The following MDM4 variants were observed in gnomAD, a reference collection of about 807,000 sequenced individuals.
The protein encoded by MDM4 is MDM4 regulator of p53.
MDM4 carries 2 observed loss-of-function variants against 60.2 expected under a neutral mutation model. That is an observed-to-expected ratio of 0.03 (90% CI 0.01 to 0.10). The LOEUF is 0.10. Among genes scored for constraint, MDM4 ranks in the 10% least tolerant of loss-of-function variants. The pLI, the probability that MDM4 is intolerant of heterozygous loss-of-function variation, is 1.00. For synonymous variants in MDM4, 202 were observed against 198.1 expected (o/e 1.02, Z -0.17); for missense variants, 447 against 577.5 (o/e 0.77, Z 2.32).
chr1:204,556,440 G>T lies in MDM4; in HGVS notation c.*6758G>T, dbSNP rs10900598. ...AGGCCAGGCGCGGTGGTTCACTCCT[G>T]TTATTCCAGCACTGGGGTGGCCAAA... On this transcript the variant is annotated 3_prime_UTR_variant, in exon 11 of 11. Coordinates refer to ENST00000367182, the MANE Select transcript of MDM4 (RefSeq NM_002393.5). The T allele has an allele frequency of 0.4, 89,506 of 225,642 alleles. 20,273 individuals are homozygous for T. Among genetic ancestry groups the T allele is most frequent in the Non-Finnish European group, 0.48 (54,374 of 113,356 alleles). The allele number at this position is 225,642 out of a possible 1,614,324, so 14.0% of individuals were successfully genotyped here.
At chr1:204,539,005 G>T (rs1297847196) in intron 7 of MDM4, among the ~76,000 whole-genome samples, 2 of 152,076 alleles carry the variant, frequency 1.3e-5, no homozygotes, top group African/African-American at 4.8e-5. Flanking sequence ...GAGTAGCTGG[G>T]ATTACAGGCG....
rs944915392 is a variant in MDM4 at position 204,554,104 on chromosome 1, T to G, written c.*4422T>G. ...AGGGTCAAGGTCATTTGTAACATTTTGTGTGTGTCAATTCAATGCAATGTT... is the reference window on the plus strand; with the variant it reads ...AGGGTCAAGGTCATTTGTAACATTTGGTGTGTGTCAATTCAATGCAATGTT... On this transcript the variant is annotated 3_prime_UTR_variant, in exon 11 of 11. Transcript: ENST00000367182. 1.7e-5 allele frequency: 4 copies of G among 229,444 alleles called. No individual in the cohort carries two copies. In the Admixed American group the frequency reaches 2.3e-4, roughly 13 times the overall value. 14.2% of individuals were successfully genotyped at this position (229,444 alleles called of 1,614,324 possible). A position where few individuals can be genotyped will look rare whatever the true frequency, so the allele number is the denominator to read the frequency against.
chr1:204,519,958 A>C (rs1659393843), intron 1 of MDM4, among the ~76,000 whole-genome samples: 1 of 152,042 alleles, frequency 6.6e-6, no homozygotes, highest in African/African-American at 2.4e-5. Context: ...GAAAAATATA[A>C]ACGAAAAACT....
chr1:204,542,255 T>G (rs1210415030), intron 7 of MDM4, among the ~76,000 whole-genome samples: 2 of 152,214 alleles, frequency 1.3e-5, no homozygotes, highest in Non-Finnish European at 2.9e-5. Context: ...CCAGAATATG[T>G]GGTACCAGTG....
intron 9 of MDM4, among the ~76,000 whole-genome samples, chr1:204,545,839 A>G (rs1199472602): frequency 6.6e-6 from 1 of 152,136 alleles, no homozygotes; most frequent in Non-Finnish European, 1.5e-5. Context: ...GGAAACGTCT[A>G]TAGAGAGAGA....
Position 204,556,551 on chromosome 1 carries a change from A to AT in MDM4, c.*6869_*6870insT, listed in dbSNP as rs1219498620. 3 of 205,938 alleles carry AT rather than the reference A, an allele frequency of 1.5e-5. No individual in the cohort carries two copies. The highest frequency in any genetic ancestry group is 2.3e-5 in the African/African-American group (1 of 43,778). 12.8% of individuals were successfully genotyped at this position (205,938 alleles called of 1,614,324 possible). On this transcript the variant is annotated 3_prime_UTR_variant, in exon 11 of 11. Coordinates refer to ENST00000367182, the MANE Select transcript of MDM4 (RefSeq NM_002393.5). ...GTCTCTACCAAAAATACAAAAAAAA[A>AT]GCTGGGCATGGTGGGTGCATGCTTG...
chr1:204,545,794 T>A (rs1172186260), intron 9 of MDM4, among the ~76,000 whole-genome samples: 1 of 152,142 alleles, frequency 6.6e-6, no homozygotes, highest in African/African-American at 2.4e-5. Flanking sequence ...CCCAAGTAGC[T>A]GGGGTCACAG....
intron 5 of MDM4, chr1:204,532,548 A>G (rs1660969391): frequency 1.8e-6 from 1 of 563,670 alleles, no homozygotes; most frequent in South Asian, 2.6e-5. Flanking sequence ...ATTCAATATC[A>G]TTATTACACA....
intron 2 of MDM4, 58 bp from the exon 3 acceptor site, chr1:204,526,302 A>G (rs1572460512): frequency 3.5e-6 from 5 of 1,440,082 alleles, no homozygotes; most frequent in Admixed American, 1.7e-5. Context: ...CTCTTGTTCC[A>G]TAGTTTCAGA....
At chr1:204,547,747 G>A (rs191048258) in intron 10 of MDM4, among the ~76,000 whole-genome samples, 1 of 152,258 alleles carries the variant, frequency 6.6e-6, no homozygotes, top group East Asian at 1.9e-4. Flanking sequence ...TTTTGAGATG[G>A]AGTTTCACTC....
In MDM4 at chr1:204,537,512, C is replaced by A. The variant is rs774302091; in HGVS notation, c.411+15C>A. The A allele has an allele frequency of 1.3e-6, 2 of 1,586,402 alleles. No homozygotes were observed. The highest frequency in any genetic ancestry group is 1.1e-5 in the South Asian group (1 of 90,504). ...ACCAACTGAAGGTAAAATCACCACA[C>A]GGTGACTTCTTTTGTTGTACAGAGT... is the stretch of plus-strand genomic sequence containing the variant. On this transcript the variant is annotated intron_variant, in intron 6 of 10. Transcript: ENST00000367182.
At position 204,555,199 on chromosome 1, in the gene MDM4, G is replaced by A. The variant is rs1349575342; in HGVS notation, c.*5517G>A. The A allele has an allele frequency of 2.8e-5, 5 of 176,556 alleles. No homozygotes were observed. The highest frequency in any genetic ancestry group is 6.4e-5 in the Admixed American group (1 of 15,654). The allele number at this position is 176,556 out of a possible 1,614,324, so 10.9% of individuals were successfully genotyped here. A position where few individuals can be genotyped will look rare whatever the true frequency, so the allele number is the denominator to read the frequency against. On this transcript the variant is annotated 3_prime_UTR_variant, in exon 11 of 11. Coordinates refer to ENST00000367182, the MANE Select transcript of MDM4 (RefSeq NM_002393.5). Reference sequence around the variant, plus strand: ...AGACGGAGTCTCTCTCTGTCGCCCCGGCTGGAGTGCAGTGGCGCGATCTCG... The same window carrying A: ...AGACGGAGTCTCTCTCTGTCGCCCCAGCTGGAGTGCAGTGGCGCGATCTCG...
intron 3 of MDM4, 31 bp downstream of exon 3, chr1:204,526,465 T>TAG: frequency 6.7e-7 from 1 of 1,486,362 alleles, no homozygotes; most frequent in Non-Finnish European, 9.1e-7. Context: ...CTCATTTTTT[T>TAG]TGTTTTTTTT....
intron 7 of MDM4, among the ~76,000 whole-genome samples, chr1:204,538,951 C>G (rs1661718507): frequency 6.7e-6 from 1 of 149,942 alleles, no homozygotes; most frequent in Admixed American, 6.7e-5. Context: ...CTCACCGCAG[C>G]CTCCGCCTCC....
chr1:204,529,065 G>A, intron 3 of MDM4: 1 of 1,472,578 alleles, frequency 6.8e-7, no homozygotes, highest in South Asian at 1.2e-5. Context: ...GCCCATTTGG[G>A]ACAGAGCTTG....
In MDM4 at chr1:204,557,127, C is replaced by T. The variant is rs141210231; in HGVS notation, c.*7445C>T. 324 of 198,084 alleles carry T rather than the reference C, an allele frequency of 1.6e-3. No individual in the cohort carries two copies. Among genetic ancestry groups the T allele is most frequent in the Non-Finnish European group, 2.8e-3 (272 of 95,546 alleles). 12.3% of individuals were successfully genotyped at this position (198,084 alleles called of 1,614,324 possible). A position where few individuals can be genotyped will look rare whatever the true frequency, so the allele number is the denominator to read the frequency against. On this transcript the variant is annotated 3_prime_UTR_variant, in exon 11 of 11. Transcript: ENST00000367182. ...AATTTCCTTGAAGAGATCTAAGAAC[C>T]TATTATGCTCTTGGTGTACCAAGCT...
At chr1:204,523,025 C>G (rs12041075) in intron 1 of MDM4, among the ~76,000 whole-genome samples, 86,759 of 151,404 alleles carry the variant, frequency 0.57, 27,415 homozygotes, top group Non-Finnish European at 0.69. Context: ...ACCACGCTCG[C>G]CTAATTTTTG....
chr1:204,546,904 T>TAA (rs761173260), intron 10 of MDM4, 27 bp downstream of exon 10: 1 of 1,407,492 alleles, frequency 7.1e-7, no homozygotes, highest in Non-Finnish European at 1.0e-6. Context: ...AGAACTATTT[T>TAA]GCACCAGCCC....
Position 204,556,919 on chromosome 1 carries a change from G to T in MDM4, c.*7237G>T, listed in dbSNP as rs183015475. The T allele has an allele frequency of 3.8e-3, 786 of 208,708 alleles. 5 individuals are homozygous for T. The highest frequency in any genetic ancestry group is 9.6e-3 in the Admixed American group (162 of 16,900). The allele number at this position is 208,708 out of a possible 1,614,324, so 12.9% of individuals were successfully genotyped here. Reference sequence around the variant, plus strand: ...GCAACCTTGAATATGACTTTCTTTAGTCTCTAGCTATGCACTATTAAGTGC... The same window carrying T: ...GCAACCTTGAATATGACTTTCTTTATTCTCTAGCTATGCACTATTAAGTGC... On this transcript the variant is annotated 3_prime_UTR_variant, in exon 11 of 11. Coordinates refer to ENST00000367182, the MANE Select transcript of MDM4 (RefSeq NM_002393.5).
Sources: allele counts gnomAD v4.1 joint callset (sites outside exome capture counted in the v4.1 genomes callset), GRCh38; gene constraint gnomAD v4.1.1; transcripts MANE v1.5; gene names NCBI Gene and HGNC (gene_info 2026-07-23, HGNC 2026-07-21).